SPATS2L: variants seen among roughly 807,000 people sequenced by gnomAD.
The protein encoded by SPATS2L is SPATS2-like protein.
In SPATS2L, 30 loss-of-function variants were observed where a neutral mutation model predicts 59.6. The observed-to-expected ratio is 0.50, with a 90% CI of 0.38 to 0.68. The LOEUF (loss-of-function observed/expected upper bound fraction) is 0.68. Ranked by LOEUF, SPATS2L falls within the 30% of genes least tolerant of loss-of-function variation. The pLI is 0.00. For synonymous variants in SPATS2L, 252 were observed against 263.5 expected, an observed-to-expected ratio of 0.96 and a Z score of 0.42; for missense variants, 615 against 700.0, an observed-to-expected ratio of 0.88 and a Z score of 1.37.
intron 8 of SPATS2L, among the ~76,000 whole-genome samples, chr2:200,451,998 A>C (rs2085488149): frequency 6.6e-6 from 1 of 152,146 alleles, no homozygotes; most frequent in Non-Finnish European, 1.5e-5. Flanking sequence ...GGGTTTCACC[A>C]TGTTGGCCAG....
intron 2 of SPATS2L, among the ~76,000 whole-genome samples, chr2:200,371,120 A>G (rs566655055): frequency 6.6e-6 from 1 of 152,312 alleles, no homozygotes; most frequent in African/African-American, 2.4e-5. Context: ...AGAAAATGCA[A>G]TCTTAGGCTG....
chr2:200,393,951 A>G (rs976685518), intron 3 of SPATS2L, among the ~76,000 whole-genome samples: 2 of 152,172 alleles, frequency 1.3e-5, no homozygotes, highest in African/African-American at 2.4e-5. Flanking sequence ...TGGGTCCTCT[A>G]TTGGATGAAT....
chr2:200,403,778 C>G (rs1053222582), intron 3 of SPATS2L, among the ~76,000 whole-genome samples: 2 of 152,180 alleles, frequency 1.3e-5, no homozygotes, highest in Non-Finnish European at 2.9e-5. Flanking sequence ...GGCACCGTAA[C>G]AGATCTGTGC....
At chr2:200,468,347 T>TACACACACACACACACACACACAC (rs141831238) in intron 10 of SPATS2L, among the ~76,000 whole-genome samples, 7,500 of 109,934 alleles carry the variant, frequency 0.068, 665 homozygotes, top group East Asian at 0.089. Flanking sequence ...CCCAGTATAC[T>TACACACACACACACACACACACAC]ACACACACAC....
chr2:200,396,033 A>AATAAATAT (rs1553520466), intron 3 of SPATS2L, among the ~76,000 whole-genome samples: 8 of 21,138 alleles, frequency 3.8e-4, no homozygotes, highest in Admixed American at 8.1e-4. Context: ...AAAAAAAAAA[A>AATAAATAT]ATATATATAT....
rs1413989554 is a variant in SPATS2L, at chr2:200,416,405, T to C, written c.175T>C (p.Trp59Arg). The change falls in exon 5 of 13, where the codon TGG (tryptophan) becomes CGG (arginine). Residue 59 changes from tryptophan (W) to arginine (R), a missense_variant. By Grantham distance (101) the Trp-to-Arg change is moderately radical (BLOSUM62 -3). This residue lies in a region of SPATS2L where 227 missense variants were observed against 257.4 expected (regional missense o/e 0.88). Coordinates refer to ENST00000409140, the MANE Select transcript of SPATS2L (RefSeq NM_001100423.2). ...CAGTGCAATTCAAGTTCTAAAAGAA[T>C]GGAATATGACAGGAAAAAAGAAGGT... ...DGSAIQVLKE[W>R]NMTGKKKNNK... The C allele has an allele frequency of 6.0e-6, 9 of 1,499,342 alleles. No individual in the cohort carries two copies. The highest frequency in any genetic ancestry group is 2.4e-5 in the East Asian group (1 of 41,082). 92.9% of individuals were successfully genotyped at this position (1,499,342 alleles called of 1,614,324 possible).
intron 2 of SPATS2L, among the ~76,000 whole-genome samples, chr2:200,338,539 G>A (rs1334565874): frequency 6.6e-6 from 1 of 152,122 alleles, no homozygotes; most frequent in Non-Finnish European, 1.5e-5. Flanking sequence ...ACCAAAGCCT[G>A]GAACAACCTG....
At chr2:200,457,320 A>G (rs2085915016) in intron 8 of SPATS2L, among the ~76,000 whole-genome samples, 1 of 152,170 alleles carries the variant, frequency 6.6e-6, no homozygotes, top group Admixed American at 6.5e-5. Context: ...TCACAGGAGC[A>G]CAAAGCCTAT....
intron 1 of SPATS2L, among the ~76,000 whole-genome samples, chr2:200,319,564 CAAAAAA>C (rs56210295): frequency 3.9e-5 from 2 of 51,002 alleles, no homozygotes; most frequent in African/African-American, 8.1e-5. Flanking sequence ...GACCCCACCT[CAAAAAA>C]AAAAAAAAAA....
At chr2:200,332,271 G>T (rs1416591695) in intron 2 of SPATS2L, among the ~76,000 whole-genome samples, 1 of 151,826 alleles carries the variant, frequency 6.6e-6, no homozygotes, top group African/African-American at 2.4e-5. Context: ...GAGAGACAGG[G>T]TCTCACTCTG....
At chr2:200,348,025 G>A (rs1415563900) in intron 2 of SPATS2L, among the ~76,000 whole-genome samples, 1 of 152,116 alleles carries the variant, frequency 6.6e-6, no homozygotes, top group East Asian at 1.9e-4. Context: ...TCAAATCACA[G>A]CAATTGTATT....
intron 2 of SPATS2L, among the ~76,000 whole-genome samples, chr2:200,355,872 A>G (rs1045095179): frequency 7.2e-5 from 11 of 152,210 alleles, no homozygotes; most frequent in African/African-American, 2.4e-4. Flanking sequence ...ACTGAGTCTT[A>G]TTTCATAAGG....
At chr2:200,408,725 C>T (rs756735276) in intron 3 of SPATS2L, among the ~76,000 whole-genome samples, 2 of 152,256 alleles carry the variant, frequency 1.3e-5, no homozygotes, top group African/African-American at 2.4e-5. Flanking sequence ...GAAAGTCACA[C>T]TGCCTCACTG....
In SPATS2L at chr2:200,467,366, G is replaced by A; in HGVS notation, c.924G>A (p.Glu308=). 1.9e-6 allele frequency: 3 copies of A among 1,614,032 alleles called. No individual in the cohort carries two copies. The highest frequency in any genetic ancestry group is 2.5e-6 in the Non-Finnish European group (3 of 1,179,864). ...RLTDLASQMA[E]MQLAELRAEI... ...CTGACCTTGCCAGTCAGATGGCAGA[G>A]ATGCAGCTGGCCGAACTCAGGGCAG... Residue 308 remains glutamate, a synonymous_variant, in exon 10 of 13, where the codon GAG becomes GAA. Coordinates refer to ENST00000409140, the MANE Select transcript of SPATS2L (RefSeq NM_001100423.2).
chr2:200,421,725 T>A (rs2083313353), intron 6 of SPATS2L, among the ~76,000 whole-genome samples: 2 of 152,248 alleles, frequency 1.3e-5, no homozygotes, highest in Admixed American at 1.3e-4. Flanking sequence ...GAAATTTTTT[T>A]AATTCAATTT....
chr2:200,474,501 G>T (rs1426010884), intron 12 of SPATS2L, among the ~76,000 whole-genome samples: 1 of 151,896 alleles, frequency 6.6e-6, no homozygotes, highest in Admixed American at 6.6e-5. Context: ...TTGTAGAGAT[G>T]GGGTTTTGTC....
In SPATS2L at chr2:200,307,152, C is replaced by CGGCGCGGGCAAGCGGGAGGA. The variant is rs1490945807; in HGVS notation, c.-73+236_-73+255dup. 1.1e-4 allele frequency among the ~76,000 whole-genome samples: 16 copies of CGGCGCGGGCAAGCGGGAGGA among 151,218 alleles called. No homozygotes were observed. The East Asian group carries it at 3.0e-3, about 28-fold the overall frequency. On this transcript the variant is annotated intron_variant, in intron 1 of 12. Coordinates refer to ENST00000409140, the MANE Select transcript of SPATS2L (RefSeq NM_001100423.2). ...GGTCGCCGTCCTTCCTTTCTCCAGCCGGCGCGGGCAAGCGGGAGGAGGCGC... is the reference window on the plus strand; with the variant it reads ...GGTCGCCGTCCTTCCTTTCTCCAGCCGGCGCGGGCAAGCGGGAGGAGGCGCGGGCAAGCGGGAGGAGGCGC...
At chr2:200,332,186 CAGAG>C (rs2079967344) in intron 2 of SPATS2L, among the ~76,000 whole-genome samples, 1 of 147,740 alleles carries the variant, frequency 6.8e-6, no homozygotes, top group African/African-American at 2.5e-5. Flanking sequence ...GAGGGAGAGA[CAGAG>C]AGGAAAGAGA....
chr2:200,388,450 CA>C, intron 2 of SPATS2L, among the ~76,000 whole-genome samples: 1 of 151,924 alleles, frequency 6.6e-6, no homozygotes, highest in East Asian at 1.9e-4. Flanking sequence ...TGCATACCTG[CA>C]GTTCCACCTA....
Sources: allele counts gnomAD v4.1 joint callset (sites outside exome capture counted in the v4.1 genomes callset), GRCh38; gene constraint gnomAD v4.1.1; regional missense constraint gnomAD v4.1.1; transcripts MANE v1.5; gene names NCBI Gene and HGNC (gene_info 2026-07-23, HGNC 2026-07-21).